Variants in TBC1D4 observed in about 807,000 individuals in gnomAD.
The protein encoded by TBC1D4 is TBC (Tre-2, BUB2, CDC16) domain-containing protein.
In TBC1D4, 121 loss-of-function variants were observed where a neutral mutation model predicts 142.5. That is an observed-to-expected ratio of 0.85 (90% CI 0.73 to 0.99). TBC1D4 has a LOEUF of 0.99. Ranked by LOEUF, TBC1D4 falls within the 50% of genes least tolerant of loss-of-function variation. The pLI is 0.00. For missense variants in TBC1D4, 1,475 were observed against 1,606.6 expected (o/e 0.92, Z 1.40); for synonymous variants, 630 against 628.2 (o/e 1.00, Z -0.04).
chr13:75,327,661 C>T (rs903766223), intron 9 of TBC1D4, 91 bp downstream of exon 9: 2 of 1,155,270 alleles, frequency 1.7e-6, no homozygotes, highest in East Asian at 2.3e-5. Context: ...AGCTATAAAG[C>T]ATTCATAATA....
intron 1 of TBC1D4, among the ~76,000 whole-genome samples, chr13:75,404,512 G>A (rs968963394): frequency 3.9e-5 from 6 of 152,040 alleles, no homozygotes; most frequent in Admixed American, 2.6e-4. Context: ...TTCTCAAGAG[G>A]CATTTTTTTT....
At chr13:75,479,475 T>C (rs140067207) in intron 1 of TBC1D4, among the ~76,000 whole-genome samples, 30 of 152,096 alleles carry the variant, frequency 2.0e-4, no homozygotes, top group African/African-American at 7.2e-4. Flanking sequence ...AATAAAGGAA[T>C]GTTTATAATT....
chr13:75,332,717 C>G (rs2138039686), intron 8 of TBC1D4, among the ~76,000 whole-genome samples: 1 of 152,264 alleles, frequency 6.6e-6, no homozygotes, highest in Non-Finnish European at 1.5e-5. Flanking sequence ...GACAAATCTC[C>G]TAGATACTCT....
At chr13:75,313,732 T>C (rs1878016236) in intron 12 of TBC1D4, among the ~76,000 whole-genome samples, 1 of 152,124 alleles carries the variant, frequency 6.6e-6, no homozygotes, top group Admixed American at 6.6e-5. Context: ...CATTGTGTTG[T>C]CCAGTCTGGT....
chr13:75,471,683 A>G (rs1888406354), intron 1 of TBC1D4, among the ~76,000 whole-genome samples: 1 of 151,526 alleles, frequency 6.6e-6, no homozygotes, highest in Non-Finnish European at 1.5e-5. Context: ...GGTTGCAGTG[A>G]GCCGAGATTG....
chr13:75,315,425 C>CATAT (rs984133210), intron 12 of TBC1D4, among the ~76,000 whole-genome samples: 1 of 18,262 alleles, frequency 5.5e-5, no homozygotes, highest in African/African-American at 7.1e-5. Context: ...TATACACACA[C>CATAT]ATATATATAT....
At chr13:75,415,541 T>G (rs2075251905) in intron 1 of TBC1D4, among the ~76,000 whole-genome samples, 1 of 152,248 alleles carries the variant, frequency 6.6e-6, no homozygotes, top group Non-Finnish European at 1.5e-5. Context: ...CCACCAAATG[T>G]GCTTCTCGCA....
Position 75,312,847 on chromosome 13 carries a change from T to C in TBC1D4, c.2274A>G (p.Leu758=). Residue 758 remains leucine, a synonymous_variant, in exon 13 of 21, where the codon CTA becomes CTG. Coordinates refer to ENST00000377636, the MANE Select transcript of TBC1D4 (RefSeq NM_014832.5). The part of the protein sequence containing the change: ...RTSSTCSNES[L]SVGGTSVTPR... ...GAGTGACAGAGGTTCCTCCCACACT[T>C]AGGGACTCATTGCTGCAGGTAGATG... 3 of 1,614,200 alleles carry C rather than the reference T, an allele frequency of 1.9e-6. No individual in the cohort carries two copies. The highest frequency in any genetic ancestry group is 2.5e-6 in the Non-Finnish European group (3 of 1,180,028).
At chr13:75,370,276 C>G (rs1328654846) in intron 1 of TBC1D4, among the ~76,000 whole-genome samples, 1 of 152,108 alleles carries the variant, frequency 6.6e-6, no homozygotes, top group Non-Finnish European at 1.5e-5. Context: ...AGATCTAAAT[C>G]CTGCAGGGGC....
chr13:75,433,666 A>G (rs1593880525), intron 1 of TBC1D4, among the ~76,000 whole-genome samples: 1 of 152,324 alleles, frequency 6.6e-6, no homozygotes, highest in Non-Finnish European at 1.5e-5. Context: ...ATTGATTCAT[A>G]CTATAAATAA....
chr13:75,377,483 G>A lies in TBC1D4; in HGVS notation c.499-14876C>T, dbSNP rs1449726744. Among the ~76,000 whole-genome samples, 4 of 151,984 alleles carry A rather than the reference G, an allele frequency of 2.6e-5. No individual in the cohort carries two copies. In the South Asian group the frequency reaches 6.2e-4, roughly 24 times the overall value. Reference sequence around the variant, plus strand: ...TTTCAAAATGGCCCTGAAAGTCAATGGGAACAAAAGGGCCCACATGCAACA... The same window carrying A: ...TTTCAAAATGGCCCTGAAAGTCAATAGGAACAAAAGGGCCCACATGCAACA... On this transcript the variant is annotated intron_variant, in intron 1 of 20. Transcript: ENST00000377636.
chr13:75,288,817 A>G (rs1874954667), intron 20 of TBC1D4, 117 bp downstream of exon 20: 1 of 1,102,120 alleles, frequency 9.1e-7, no homozygotes, highest in African/African-American at 1.5e-5. Context: ...AGTCTGATAC[A>G]TGGGCTCTTG....
intron 1 of TBC1D4, among the ~76,000 whole-genome samples, chr13:75,443,701 A>C (rs1048995617): frequency 6.6e-6 from 1 of 152,198 alleles, no homozygotes; most frequent in African/African-American, 2.4e-5. Flanking sequence ...TTCACCTTAA[A>C]GGGACAATAG....
intron 1 of TBC1D4, among the ~76,000 whole-genome samples, chr13:75,369,286 G>A (rs1480512080): frequency 2.0e-5 from 3 of 152,120 alleles, no homozygotes; most frequent in African/African-American, 7.2e-5. Context: ...TTGAAACCAG[G>A]AGTTCAAGAC....
At chr13:75,342,140 T>C (rs1422481030) in intron 5 of TBC1D4, among the ~76,000 whole-genome samples, 1 of 152,170 alleles carries the variant, frequency 6.6e-6, no homozygotes, top group East Asian at 1.9e-4. Flanking sequence ...GAGGTTGCAG[T>C]GAGCCAAGAT....
intron 1 of TBC1D4, among the ~76,000 whole-genome samples, chr13:75,445,531 A>G (rs1196360533): frequency 6.6e-6 from 1 of 152,194 alleles, no homozygotes; most frequent in Non-Finnish European, 1.5e-5. Flanking sequence ...TCCTTTCTAA[A>G]CTGTAAAATC....
chr13:75,450,514 C>T (rs1005382414), intron 1 of TBC1D4, among the ~76,000 whole-genome samples: 16 of 152,186 alleles, frequency 1.1e-4, no homozygotes, highest in Non-Finnish European at 1.8e-4. Flanking sequence ...ATAGAAAGGA[C>T]GAAATTGGTA....
Position 75,310,042 on chromosome 13 carries a change from T to G in TBC1D4, c.2493A>C (p.Glu831Asp), listed in dbSNP as rs780653532. The change falls in exon 14 of 21, where the codon GAA becomes GAC. Residue 831 changes from glutamate (E) to aspartate (D), a missense_variant. By Grantham distance (45) the Glu-to-Asp change is conservative (BLOSUM62 2). This residue lies in a region of TBC1D4 where 1,227 missense variants were observed against 1,267.7 expected (regional missense o/e 0.97). Coordinates refer to ENST00000377636, the MANE Select transcript of TBC1D4 (RefSeq NM_014832.5). ...LSGEDDPEKI[E>D]ERKKSKELRS... ...TCAGTTCTTTTGATTTCTTTCTTTC[T>G]TCAATCTTTTCTGGGTCATCCTCCC... 1 of 1,614,156 alleles carries G rather than the reference T, an allele frequency of 6.2e-7. No individual in the cohort carries two copies. The highest frequency in any genetic ancestry group is 2.2e-5 in the East Asian group (1 of 44,868).
chr13:75,287,804 G>A (rs567933942), intron 20 of TBC1D4, among the ~76,000 whole-genome samples: 1 of 152,208 alleles, frequency 6.6e-6, no homozygotes, highest in South Asian at 2.1e-4. Flanking sequence ...TCTTGACAGG[G>A]GACTCACCAT....
Sources: allele counts gnomAD v4.1 joint callset (sites outside exome capture counted in the v4.1 genomes callset), GRCh38; gene constraint gnomAD v4.1.1; regional missense constraint gnomAD v4.1.1; transcripts MANE v1.5; gene names NCBI Gene and HGNC (gene_info 2026-07-23, HGNC 2026-07-21).